Variants in TRPS1 observed in about 807,000 individuals in gnomAD.
TRPS1 encodes the protein transcriptional repressor GATA binding 1.
TRPS1 carries 6 observed loss-of-function variants against 101.2 expected under a neutral mutation model. That is an observed-to-expected ratio of 0.06 (90% CI 0.03 to 0.12). The LOEUF is 0.12. Among genes scored for constraint, TRPS1 ranks in the 10% least tolerant of loss-of-function variants. TRPS1 has a pLI of 1.00. For synonymous variants in TRPS1, 578 were observed against 589.8 expected (o/e 0.98, Z 0.29); for missense variants, 1,363 against 1,567.0 (o/e 0.87, Z 2.20).
intron 4 of TRPS1, among the ~76,000 whole-genome samples, chr8:115,602,629 G>T (rs1366425917): frequency 6.6e-6 from 1 of 152,146 alleles, no homozygotes; most frequent in East Asian, 1.9e-4. Context: ...TTCATTACTG[G>T]TGACTGAAAA....
intron 5 of TRPS1, among the ~76,000 whole-genome samples, chr8:115,567,450 C>T (rs1415003290): frequency 2.0e-5 from 3 of 152,000 alleles, no homozygotes; most frequent in African/African-American, 7.3e-5. Context: ...CTGTCCTTGA[C>T]ACAGCAATTC....
chr8:115,505,124 A>T (rs566034829), intron 5 of TRPS1, among the ~76,000 whole-genome samples: 9 of 152,132 alleles, frequency 5.9e-5, no homozygotes, highest in Admixed American at 5.9e-4. Context: ...GAATTCTCTG[A>T]ATGTTGTCAT....
chr8:115,627,327 A>AAC (rs372945606), intron 1 of TRPS1, among the ~76,000 whole-genome samples: 14 of 151,388 alleles, frequency 9.2e-5, no homozygotes, highest in East Asian at 3.9e-4. Context: ...TTCCTCTCAA[A>AAC]ACACACACAC....
chr8:115,490,244 A>G (rs943847707), intron 5 of TRPS1, among the ~76,000 whole-genome samples: 1 of 152,150 alleles, frequency 6.6e-6, no homozygotes, highest in African/African-American at 2.4e-5. Context: ...AATGGTAGTA[A>G]GCAAGAAAGT....
intron 1 of TRPS1, among the ~76,000 whole-genome samples, chr8:115,655,693 C>T (rs1283455280): frequency 6.6e-6 from 1 of 152,084 alleles, no homozygotes; most frequent in Admixed American, 6.6e-5. Context: ...AAACCCCCAC[C>T]TTCTCCCATA....
chr8:115,523,339 T>C (rs1019216010), intron 5 of TRPS1, among the ~76,000 whole-genome samples: 1 of 152,100 alleles, frequency 6.6e-6, no homozygotes, highest in African/African-American at 2.4e-5. Context: ...CCGTCAGGAA[T>C]ATGCACCATG....
intron 5 of TRPS1, among the ~76,000 whole-genome samples, chr8:115,543,665 A>T (rs1200151988): frequency 6.6e-6 from 1 of 152,112 alleles, no homozygotes; most frequent in Non-Finnish European, 1.5e-5. Context: ...TTAAGCCAAG[A>T]ATCTTTCTTC....
At chr8:115,539,960 T>A (rs1278160163) in intron 5 of TRPS1, among the ~76,000 whole-genome samples, 5 of 152,226 alleles carry the variant, frequency 3.3e-5, no homozygotes, top group Non-Finnish European at 7.3e-5. Context: ...TTTCTCTCAT[T>A]CTTCAAAGTC....
chr8:115,586,884 T>TTGAG, intron 5 of TRPS1, 117 bp downstream of exon 5: 1 of 1,572,486 alleles, frequency 6.4e-7, no homozygotes, highest in Non-Finnish European at 8.6e-7. Flanking sequence ...AATCCCCAGA[T>TTGAG]TGAGACAGAT....
At chr8:115,627,714 G>A (rs1453793805) in intron 1 of TRPS1, among the ~76,000 whole-genome samples, 1 of 151,640 alleles carries the variant, frequency 6.6e-6, no homozygotes, top group African/African-American at 2.4e-5. Context: ...TACTAATGTT[G>A]CTTTTTTCTG....
At chr8:115,481,614 C>T (rs1212256745) in intron 5 of TRPS1, among the ~76,000 whole-genome samples, 1 of 152,156 alleles carries the variant, frequency 6.6e-6, no homozygotes, top group East Asian at 1.9e-4. Context: ...TGAGCAACTA[C>T]TTTCAGTGTT....
chr8:115,652,101 A>G (rs1164500081), intron 1 of TRPS1, among the ~76,000 whole-genome samples: 1 of 152,206 alleles, frequency 6.6e-6, no homozygotes, highest in Non-Finnish European at 1.5e-5. Context: ...GAGAACATTC[A>G]ATGATAGACT....
rs1814530637 is a variant in TRPS1, at chr8:115,473,763, G to T, written c.2701-55311C>A. Reference sequence around the variant, plus strand: ...TCACTTCTGAAATATATTAATTACTGTTTTATGTCTTTGGTTCCTATTATC... The same window carrying T: ...TCACTTCTGAAATATATTAATTACTTTTTTATGTCTTTGGTTCCTATTATC... On this transcript the variant is annotated intron_variant, in intron 5 of 6. Transcript: ENST00000395715. Among the ~76,000 whole-genome samples the T allele has an allele frequency of 2.0e-5, 3 of 152,116 alleles. No individual in the cohort carries two copies. The South Asian group carries it at 6.2e-4, about 32-fold the overall frequency.
chr8:115,483,833 C>G (rs1814815712), intron 5 of TRPS1, among the ~76,000 whole-genome samples: 1 of 152,038 alleles, frequency 6.6e-6, no homozygotes, highest in African/African-American at 2.4e-5. Flanking sequence ...GAAATTACAC[C>G]ACAATCAGCT....
intron 5 of TRPS1, among the ~76,000 whole-genome samples, chr8:115,523,597 A>C (rs1214799634): frequency 6.6e-6 from 1 of 152,198 alleles, no homozygotes; most frequent in African/African-American, 2.4e-5. Context: ...GCAAACTTGC[A>C]TTTAAAAGAC....
intron 5 of TRPS1, among the ~76,000 whole-genome samples, chr8:115,577,731 G>A (rs1817352021): frequency 1.3e-5 from 2 of 152,018 alleles, no homozygotes; most frequent in East Asian, 3.9e-4. Context: ...ATACTTAACG[G>A]AATCAATGTG....
intron 5 of TRPS1, among the ~76,000 whole-genome samples, chr8:115,506,206 A>G (rs1367469638): frequency 6.6e-6 from 1 of 151,980 alleles, no homozygotes; most frequent in Admixed American, 6.6e-5. Context: ...AATGTTAATG[A>G]CCTACAAATT....
chr8:115,551,854 C>A (rs1171079885), intron 5 of TRPS1, among the ~76,000 whole-genome samples: 1 of 152,082 alleles, frequency 6.6e-6, no homozygotes, highest in Non-Finnish European at 1.5e-5. Flanking sequence ...TTTAGTGTAT[C>A]CCCTTTATCG....
intron 5 of TRPS1, among the ~76,000 whole-genome samples, chr8:115,473,387 A>G (rs1814521192): frequency 6.6e-6 from 1 of 152,168 alleles, no homozygotes; most frequent in African/African-American, 2.4e-5. Flanking sequence ...GAACAGCAGC[A>G]TGAGGGTAAC....
Sources: gnomAD v4.1 joint callset for allele counts (sites outside exome capture counted in the v4.1 genomes callset) on GRCh38, gnomAD v4.1.1 for gene constraint, MANE v1.5 for transcripts, NCBI Gene and HGNC (gene_info 2026-07-23, HGNC 2026-07-21) for gene names.